The following ZHX2 variants were observed in gnomAD, a reference collection of about 807,000 sequenced individuals.
ZHX2 encodes zinc fingers and homeoboxes protein 2.
Under a neutral mutation model 21.9 loss-of-function variants are expected in ZHX2, and 6 were observed. The observed-to-expected ratio is 0.27, with a 90% CI of 0.15 to 0.54. ZHX2 has a LOEUF of 0.54. Ranked by LOEUF, ZHX2 falls within the 20% of genes least tolerant of loss-of-function variation. The pLI is 0.95. For synonymous variants in ZHX2, 434 were observed against 437.1 expected, an observed-to-expected ratio of 0.99 and a Z score of 0.09; for missense variants, 908 against 1,090.7, an observed-to-expected ratio of 0.83 and a Z score of 2.36.
At chr8:122,963,434 G>A (rs1813505654) in intron 3 of ZHX2, among the ~76,000 whole-genome samples, 1 of 152,034 alleles carries the variant, frequency 6.6e-6, no homozygotes, top group Admixed American at 6.6e-5. Context: ...TTGGCTGTAA[G>A]TATCTGGCTT....
chr8:122,834,628 T>C (rs1473752734), intron 1 of ZHX2, among the ~76,000 whole-genome samples: 1 of 152,186 alleles, frequency 6.6e-6, no homozygotes, highest in Non-Finnish European at 1.5e-5. Flanking sequence ...GAAGGTCTCA[T>C]TGTGGGGTTT....
intron 1 of ZHX2, among the ~76,000 whole-genome samples, chr8:122,805,084 C>A (rs542297459): frequency 6.6e-6 from 1 of 152,130 alleles, no homozygotes; most frequent in Non-Finnish European, 1.5e-5. Flanking sequence ...TAGTTTGGGT[C>A]CCCCAGATGC....
Position 122,953,586 on chromosome 8 carries a change from G to GCAGTAC in ZHX2, c.2080_2085dup (p.Tyr694_Gln695dup). On this transcript the variant is annotated inframe_insertion, in exon 3 of 4. Transcript: ENST00000314393. This position sits in a 1 kb window ranked among gnomAD's most constrained non-coding sequence, Gnocchi z 4.6. ...AAACGGGAACCGTGAAGTGGATGGA[G>GCAGTAC]CAGTACCAGCACCAGCCCATGGCAG... 6.2e-7 allele frequency: 1 copy of GCAGTAC among 1,614,230 alleles called. No individual in the cohort carries two copies. The highest frequency in any genetic ancestry group is 1.3e-5 in the African/African-American group (1 of 75,068).
chr8:122,962,127 A>G (rs925099803), intron 3 of ZHX2, among the ~76,000 whole-genome samples: 14 of 151,884 alleles, frequency 9.2e-5, no homozygotes, highest in Admixed American at 9.2e-4. Flanking sequence ...TCACAGTCAC[A>G]CTCCAAACTA....
intron 1 of ZHX2, among the ~76,000 whole-genome samples, chr8:122,854,171 A>C (rs187027453): frequency 6.2e-4 from 94 of 152,292 alleles, no homozygotes; most frequent in African/African-American, 2.2e-3. Flanking sequence ...TGGACTTCCA[A>C]TGCAGGGCCA....
intron 1 of ZHX2, among the ~76,000 whole-genome samples, chr8:122,820,525 G>A (rs1818122571): frequency 6.6e-6 from 1 of 152,192 alleles, no homozygotes; most frequent in African/African-American, 2.4e-5. Flanking sequence ...AAATTCAAGA[G>A]GACTGAACAG....
chr8:122,794,786 G>A (rs1332531939), intron 1 of ZHX2, among the ~76,000 whole-genome samples: 3 of 152,184 alleles, frequency 2.0e-5, no homozygotes, highest in Non-Finnish European at 4.4e-5. Context: ...CAAATGCACT[G>A]TCCTCTCTCC....
intron 2 of ZHX2, among the ~76,000 whole-genome samples, chr8:122,940,793 A>G (rs917652509): frequency 6.6e-6 from 1 of 152,248 alleles, no homozygotes; most frequent in African/African-American, 2.4e-5. Context: ...ACTGTGTGTC[A>G]TAGGGATCAA....
chr8:122,972,155 C>T (rs1445900930), intron 3 of ZHX2, among the ~76,000 whole-genome samples: 4 of 152,152 alleles, frequency 2.6e-5, no homozygotes, highest in Non-Finnish European at 1.5e-5. Context: ...CAAATTTCCC[C>T]CTTCTGTAAG....
chr8:122,916,530 C>T (rs1419756686), intron 2 of ZHX2, among the ~76,000 whole-genome samples: 2 of 152,040 alleles, frequency 1.3e-5, no homozygotes, highest in Non-Finnish European at 2.9e-5. Context: ...TTTTTTGAGG[C>T]TCGAGACTGA....
At chr8:122,898,384 G>A (rs1451100809) in intron 2 of ZHX2, among the ~76,000 whole-genome samples, 1 of 152,220 alleles carries the variant, frequency 6.6e-6, no homozygotes, top group Admixed American at 6.5e-5. Flanking sequence ...CATCCTGATA[G>A]TGGTGGTATC....
intron 2 of ZHX2, among the ~76,000 whole-genome samples, chr8:122,874,805 G>A (rs1057311890): frequency 6.6e-6 from 1 of 152,126 alleles, no homozygotes; most frequent in African/African-American, 2.4e-5. Context: ...TCAGCTGATA[G>A]AGGGTGTCAG....
intron 2 of ZHX2, among the ~76,000 whole-genome samples, chr8:122,927,340 C>T (rs1386576530): frequency 6.6e-6 from 1 of 152,076 alleles, no homozygotes; most frequent in South Asian, 2.1e-4. Flanking sequence ...ACTAAAAATA[C>T]AAAAATTAGC....
At position 122,952,197 on chromosome 8, in the gene ZHX2, C is replaced by T. The variant is rs781197535; in HGVS notation, c.687C>T (p.Leu229=). The T allele has an allele frequency of 1.1e-5, 17 of 1,613,508 alleles. No homozygotes were observed. The Admixed American group carries it at 1.2e-4, about 11-fold the overall frequency. The change falls in exon 3 of 4, where the codon CTC becomes CTT. Residue 229 remains leucine (L), a synonymous_variant. Coordinates refer to ENST00000314393, the MANE Select transcript of ZHX2 (RefSeq NM_014943.5). This position sits in a 1 kb window ranked among gnomAD's most constrained non-coding sequence, Gnocchi z 6.9. ...ACACAGCTGAGATCCTCTCGAGACT[C>T]GGCGGGGTGGAGCTCCTCCAAGACA... ...VTDTAEILSR[L]GGVELLQDTL... is the part of the protein sequence containing the mutation.
intron 3 of ZHX2, among the ~76,000 whole-genome samples, chr8:122,957,458 ATTGTTTTGTTTTGTT>A (rs34465971): frequency 6.7e-6 from 1 of 149,840 alleles, no homozygotes; most frequent in Non-Finnish European, 1.5e-5. Context: ...TTGGAGGTCC[ATTGTTTTGTTTTGTT>A]TTGTTTTGTT....
At position 122,888,950 on chromosome 8, in the gene ZHX2, G is replaced by A. The variant is rs528584719; in HGVS notation, c.-220+25411G>A. ...ACTCTTCTACTCTCTACTTGTATGAGATGAACTTTATTAGCTCCCACATAT... is the reference window on the plus strand; with the variant it reads ...ACTCTTCTACTCTCTACTTGTATGAAATGAACTTTATTAGCTCCCACATAT... On this transcript the variant is annotated intron_variant, in intron 2 of 3. Coordinates refer to ENST00000314393, the MANE Select transcript of ZHX2 (RefSeq NM_014943.5). Among the ~76,000 whole-genome samples the A allele has an allele frequency of 5.3e-5, 8 of 152,226 alleles. No homozygotes were observed. In the South Asian group the frequency reaches 1.7e-3, roughly 32 times the overall value.
rs1002595195 is a variant in ZHX2, at chr8:122,782,699, C to G, written c.-283+753C>G. ...GGCCGGAGCGCGGCGCTGTCCTCACCCCCGCTCAGGTGCAGGGGGAGTCCG... is the reference window on the plus strand; with the variant it reads ...GGCCGGAGCGCGGCGCTGTCCTCACGCCCGCTCAGGTGCAGGGGGAGTCCG... On this transcript the variant is annotated intron_variant, in intron 1 of 3. Transcript: ENST00000314393. The surrounding 1 kb of genome is among the most constrained non-coding windows in gnomAD (Gnocchi z 5.3). 2.0e-5 allele frequency among the ~76,000 whole-genome samples: 3 copies of G among 152,040 alleles called. No individual in the cohort carries two copies. The highest frequency in any genetic ancestry group is 7.2e-5 in the African/African-American group (3 of 41,434).
chr8:122,913,578 C>A (rs1012459279), intron 2 of ZHX2, among the ~76,000 whole-genome samples: 1 of 152,130 alleles, frequency 6.6e-6, no homozygotes, highest in African/African-American at 2.4e-5. Flanking sequence ...TGGAATGGGG[C>A]AGTAGGGAAG....
At chr8:122,798,718 G>A (rs1586576492) in intron 1 of ZHX2, among the ~76,000 whole-genome samples, 2 of 152,146 alleles carry the variant, frequency 1.3e-5, no homozygotes, top group Admixed American at 6.5e-5. Flanking sequence ...AGGAGGCAGA[G>A]GTTGCAGTGA....
Sources: allele counts gnomAD v4.1 joint callset (sites outside exome capture counted in the v4.1 genomes callset), GRCh38; gene constraint gnomAD v4.1.1; non-coding constraint Gnocchi (gnomAD v3.1); transcripts MANE v1.5; gene names NCBI Gene and HGNC (gene_info 2026-07-23, HGNC 2026-07-21).